TXLNB: variants seen among roughly 807,000 people sequenced by gnomAD.
The protein encoded by TXLNB is beta-taxilin.
A neutral mutation model predicts 57.4 loss-of-function variants in TXLNB; 37 were observed. The ratio of observed to expected loss-of-function variants is 0.64; its 90% CI spans 0.50 to 0.85. TXLNB has a LOEUF of 0.85. Among genes scored for constraint, TXLNB ranks in the 40% least tolerant of loss-of-function variants. The pLI, the probability that TXLNB is intolerant of heterozygous loss-of-function variation, is 0.00. For synonymous variants in TXLNB, 302 were observed against 309.6 expected, an observed-to-expected ratio of 0.98 and a Z score of 0.26; for missense variants, 848 against 825.6, an observed-to-expected ratio of 1.03 and a Z score of -0.33.
chr6:139,206,231 C>T, the TXLNB span, among the ~76,000 whole-genome samples: 2 of 152,178 alleles, frequency 1.3e-5, no homozygotes, highest in South Asian at 4.1e-4. Context: ...ATTCTGAAAG[C>T]ATGAGTCTCA....
chr6:139,191,019 C>T, the TXLNB span, among the ~76,000 whole-genome samples: 1 of 152,174 alleles, frequency 6.6e-6, no homozygotes, highest in Non-Finnish European at 1.5e-5. Context: ...GGGACAGATA[C>T]AAGAATTGCT....
chr6:139,276,617 A>C lies in TXLNB; in HGVS notation c.516+213T>G, dbSNP rs192703247. Among the ~76,000 whole-genome samples, 11 of 152,352 alleles carry C rather than the reference A, an allele frequency of 7.2e-5. No individual in the cohort carries two copies. The East Asian group carries it at 7.7e-4, about 11-fold the overall frequency. On this transcript the variant is annotated intron_variant, in intron 3 of 9. Coordinates refer to ENST00000358430, the MANE Select transcript of TXLNB (RefSeq NM_153235.4). ...ATTCCTTCAAAAGAATTTTTTAAGAAGCAGAAATAAAGGAGAAGGCCACTG... is the reference window on the plus strand; with the variant it reads ...ATTCCTTCAAAAGAATTTTTTAAGACGCAGAAATAAAGGAGAAGGCCACTG...
In TXLNB at chr6:139,288,758, C is replaced by G. The variant is rs1014901986; in HGVS notation, c.142G>C (p.Glu48Gln). 6.2e-7 allele frequency: 1 copy of G among 1,614,108 alleles called. No individual in the cohort carries two copies. Among genetic ancestry groups the G allele is most frequent in the African/African-American group, 1.3e-5 (1 of 74,938 alleles). The change falls in exon 2 of 10, where the codon GAG (glutamate) becomes CAG (glutamine). Residue 48 changes from glutamate (E) to glutamine (Q), a missense_variant. Physicochemically the swap from Glu to Gln is conservative, Grantham distance 29 (BLOSUM62 2). Transcript: ENST00000358430. ...GAGATATCGGGGTGCACACTTGCCTCTTTCTCTGGTGGTTGGACTGGGGTT... is the reference window on the plus strand; with the variant it reads ...GAGATATCGGGGTGCACACTTGCCTGTTTCTCTGGTGGTTGGACTGGGGTT... ...SPTPVQPPEK[E>Q]ASVHPDISEE... is the part of the protein sequence containing the mutation.
chr6:139,226,332 T>TAG, the TXLNB span, among the ~76,000 whole-genome samples: 9 of 124,414 alleles, frequency 7.2e-5, no homozygotes, highest in East Asian at 1.2e-3. Flanking sequence ...AAAAAAGAGA[T>TAG]AGAGAGAGAG....
At chr6:139,200,862 C>T in the TXLNB span, among the ~76,000 whole-genome samples, 7,635 of 152,204 alleles carry the variant, frequency 0.05, 211 homozygotes, top group African/African-American at 0.063. Flanking sequence ...GGCTGCCTTC[C>T]TTGAGCCTAG....
chr6:139,174,664 C>A, the TXLNB span: 1 of 1,387,590 alleles, frequency 7.2e-7, no homozygotes, highest in Non-Finnish European at 9.6e-7. Context: ...TGAGTTACTA[C>A]TTGTAATGTA....
intron 4 of TXLNB, chr6:139,269,225 C>T (rs1229776233): frequency 6.6e-6 from 1 of 152,246 alleles, no homozygotes; most frequent in Non-Finnish European, 1.5e-5. Flanking sequence ...TCTTTCAATA[C>T]TACCCAAGAA....
chr6:139,280,273 A>G (rs1583024567), intron 2 of TXLNB, among the ~76,000 whole-genome samples: 1 of 150,312 alleles, frequency 6.7e-6, no homozygotes, highest in East Asian at 1.9e-4. Context: ...AAAAAAAAAA[A>G]AAGAAAGAAA....
intron 2 of TXLNB, among the ~76,000 whole-genome samples, chr6:139,286,615 G>A (rs908236313): frequency 6.6e-6 from 1 of 152,164 alleles, no homozygotes. Context: ...TGGGCTGCAC[G>A]GCAGGAGATG....
At chr6:139,304,350 A>G in the TXLNB span, among the ~76,000 whole-genome samples, 1 of 152,208 alleles carries the variant, frequency 6.6e-6, no homozygotes, top group African/African-American at 2.4e-5. Flanking sequence ...GACAAAACCC[A>G]TGGAAAGTAT....
At chr6:139,177,105 A>G in the TXLNB span, 1 of 845,358 alleles carries the variant, frequency 1.2e-6, no homozygotes, top group Non-Finnish European at 2.1e-6. The surrounding 1 kb of genome is among the most constrained non-coding windows in gnomAD (Gnocchi z 4.9). Flanking sequence ...AAGCTTATTG[A>G]TGAAAGCTTT....
At chr6:139,203,344 C>T in the TXLNB span, among the ~76,000 whole-genome samples, 1 of 152,192 alleles carries the variant, frequency 6.6e-6, no homozygotes, top group Non-Finnish European at 1.5e-5. Context: ...TGGATTTTCT[C>T]TCATTAGTGC....
At chr6:139,188,128 C>T in the TXLNB span, among the ~76,000 whole-genome samples, 84 of 152,124 alleles carry the variant, frequency 5.5e-4, no homozygotes, top group African/African-American at 2.0e-3. Context: ...CTAAGAGGCT[C>T]CTGAAGAGTT....
chr6:139,281,411 A>G (rs945552443), intron 2 of TXLNB, among the ~76,000 whole-genome samples: 1 of 151,734 alleles, frequency 6.6e-6, no homozygotes, highest in Admixed American at 6.6e-5. Flanking sequence ...AATACCACCT[A>G]GCCTGTGTTT....
At chr6:139,210,307 C>T in the TXLNB span, among the ~76,000 whole-genome samples, 9 of 152,174 alleles carry the variant, frequency 5.9e-5, no homozygotes, top group Middle Eastern at 3.4e-3. Context: ...TATGGAGATC[C>T]CTTAAAGAAC....
rs368699267 is a variant in TXLNB, at chr6:139,246,829, G to T, written c.1170+988C>A. ...CTCGGGAGGCTGAGGCAGGAGAATT[G>T]CTTGAACCCGGAAGGCAGAGGTTGC... On this transcript the variant is annotated intron_variant, in intron 8 of 9. Transcript: ENST00000358430. Among the ~76,000 whole-genome samples, 78 of 151,686 alleles carry T rather than the reference G, an allele frequency of 5.1e-4. No individual in the cohort carries two copies. The East Asian group carries it at 0.015, about 29-fold the overall frequency.
At chr6:139,220,240 T>C in the TXLNB span, among the ~76,000 whole-genome samples, 1 of 152,228 alleles carries the variant, frequency 6.6e-6, no homozygotes, top group South Asian at 2.1e-4. Context: ...GCTGGTACCT[T>C]GATACTGGAC....
At chr6:139,164,078 A>ACTCT in the TXLNB span, among the ~76,000 whole-genome samples, 71 of 78,646 alleles carry the variant, frequency 9.0e-4, no homozygotes, top group African/African-American at 1.5e-3. Context: ...ACACACACAC[A>ACTCT]CACTCTCTCT....
the TXLNB span, among the ~76,000 whole-genome samples, chr6:139,161,534 C>T: frequency 6.6e-6 from 1 of 152,162 alleles, no homozygotes; most frequent in Non-Finnish European, 1.5e-5. Flanking sequence ...ACCATTAGAG[C>T]TCTTAGCTCA....
Sources: allele counts gnomAD v4.1 joint callset (sites outside exome capture counted in the v4.1 genomes callset), GRCh38; gene constraint gnomAD v4.1.1; non-coding constraint Gnocchi (gnomAD v3.1); transcripts MANE v1.5; gene names NCBI Gene and HGNC (gene_info 2026-07-23, HGNC 2026-07-21).